Variants in FRMD5 observed in about 807,000 individuals in gnomAD.
FRMD5 encodes FERM domain-containing protein 5.
FRMD5 carries 20 observed loss-of-function variants against 69.0 expected under a neutral mutation model. The ratio of observed to expected loss-of-function variants is 0.29; its 90% CI spans 0.20 to 0.42. FRMD5 has a LOEUF of 0.42. Ranked by LOEUF, FRMD5 falls within the 10% of genes least tolerant of loss-of-function variation. The probability of loss-of-function intolerance (pLI) is 1.00; values close to 1 mark genes in which losing one functional copy is unlikely to be tolerated. For missense variants in FRMD5, 595 were observed against 708.6 expected, an observed-to-expected ratio of 0.84 and a Z score of 1.82; for synonymous variants, 271 against 260.1, an observed-to-expected ratio of 1.04 and a Z score of -0.40.
chr15:43,890,806 C>T (rs943737012), intron 8 of FRMD5, among the ~76,000 whole-genome samples: 3 of 152,162 alleles, frequency 2.0e-5, no homozygotes, highest in Non-Finnish European at 1.5e-5. Context: ...GGAGCAGTTT[C>T]ACCAGCACTC....
intron 1 of FRMD5, among the ~76,000 whole-genome samples, chr15:43,928,555 T>C (rs2089624467): frequency 6.6e-6 from 1 of 152,220 alleles, no homozygotes; most frequent in Non-Finnish European, 1.5e-5. Flanking sequence ...GGCAAGATTT[T>C]AGGAATTTTA....
chr15:44,086,432 T>G (rs1177050244), intron 1 of FRMD5, among the ~76,000 whole-genome samples: 1 of 152,140 alleles, frequency 6.6e-6, no homozygotes, highest in Non-Finnish European at 1.5e-5. Context: ...ACCTTGAAAA[T>G]GTAGTATGTT....
chr15:43,979,808 T>G (rs540743384), intron 1 of FRMD5, among the ~76,000 whole-genome samples: 2 of 152,334 alleles, frequency 1.3e-5, no homozygotes, highest in South Asian at 4.1e-4. Context: ...TAGAAAAGCC[T>G]GGGAAGTGTC....
Position 44,194,728 on chromosome 15 carries a change from C to T in FRMD5, c.102+225G>A, listed in dbSNP as rs2078255986. ...CAGGGTAGGACTTAGGGGTGTGGGA[C>T]GCGGAGACTCGCCCCGCGGCGGCGG... On this transcript the variant is annotated intron_variant, in intron 1 of 13. Transcript: ENST00000417257. The T allele has an allele frequency of 6.3e-6, 4 of 639,060 alleles. No homozygotes were observed. The East Asian group carries it at 9.0e-5, about 14-fold the overall frequency. 39.6% of individuals were successfully genotyped at this position (639,060 alleles called of 1,614,324 possible). A position where few individuals can be genotyped will look rare whatever the true frequency, so the allele number is the denominator to read the frequency against.
Position 43,874,000 on chromosome 15 carries a change from C to A in FRMD5, c.1598G>T (p.Arg533Leu). The change falls in exon 14 of 14, where the codon CGT becomes CTT. Residue 533 changes from arginine to leucine, a missense_variant. This residue lies in a region of FRMD5 where 245 missense variants were observed against 227.1 expected (regional missense o/e 1.08). Transcript: ENST00000417257. The part of the protein sequence containing the change: ...TESDLDIAFF[R>L]DIRQTPEFEQ... ...AAACTCGGGGGTCTGGCGGATATCA[C>A]GGAAAAAGGCAATGTCAAGGTCAGA... 6.2e-7 allele frequency: 1 copy of A among 1,614,072 alleles called. No homozygotes were observed. The highest frequency in any genetic ancestry group is 8.5e-7 in the Non-Finnish European group (1 of 1,180,012).
In FRMD5 at chr15:43,888,194, C is replaced by G; in HGVS notation, c.865G>C (p.Glu289Gln). 3.7e-6 allele frequency: 6 copies of G among 1,613,416 alleles called. No homozygotes were observed. The highest frequency in any genetic ancestry group is 5.1e-6 in the Non-Finnish European group (6 of 1,179,336). Residue 289 changes from glutamate (E) to glutamine (Q), a missense_variant, in exon 10 of 14, where the codon GAG (glutamate) becomes CAG (glutamine). Physicochemically the swap from Glu to Gln is conservative, Grantham distance 29 (BLOSUM62 2). Around this residue, in one of 5 missense-constraint regions of FRMD5, gnomAD observed 176 missense variants for 266.3 expected, o/e 0.66. Coordinates refer to ENST00000417257, the MANE Select transcript of FRMD5 (RefSeq NM_032892.5). ...ACKHLWKCGIENQAFYKLEKS... is the reference protein window; with the variant it reads ...ACKHLWKCGIQNQAFYKLEKS... ...ACTCACTTGTAGAAGGCTTGGTTCT[C>G]GATTCCACATTTCCAGAGGTGCTTA... is the stretch of plus-strand genomic sequence containing the variant.
intron 1 of FRMD5, among the ~76,000 whole-genome samples, chr15:44,027,651 G>GTTTT (rs759567597): frequency 2.7e-5 from 2 of 73,950 alleles, no homozygotes; most frequent in African/African-American, 6.6e-5. Context: ...TTTTTTTTTT[G>GTTTT]TTTTTTTTTT....
intron 1 of FRMD5, among the ~76,000 whole-genome samples, chr15:44,131,338 TAA>T (rs2077094358): frequency 6.6e-6 from 1 of 151,856 alleles, no homozygotes; most frequent in Admixed American, 6.6e-5. Context: ...GGAACCCCTA[TAA>T]ACGGTAGGAA....
At chr15:43,998,780 C>T (rs1890051325) in intron 1 of FRMD5, among the ~76,000 whole-genome samples, 2 of 152,198 alleles carry the variant, frequency 1.3e-5, no homozygotes. Context: ...GCTGATTTCA[C>T]ATCAGGAAGT....
At chr15:43,998,839 C>T (rs1890056478) in intron 1 of FRMD5, among the ~76,000 whole-genome samples, 1 of 152,280 alleles carries the variant, frequency 6.6e-6, no homozygotes, top group Non-Finnish European at 1.5e-5. Context: ...TCCGCCCTGC[C>T]GTGAGATAGG....
chr15:44,154,332 A>G (rs1463339925), intron 1 of FRMD5, among the ~76,000 whole-genome samples: 2 of 152,078 alleles, frequency 1.3e-5, no homozygotes, highest in Non-Finnish European at 2.9e-5. Flanking sequence ...AAACAAAAAC[A>G]AACAAAGAAA....
intron 1 of FRMD5, among the ~76,000 whole-genome samples, chr15:44,063,261 C>A (rs749504255): frequency 8.5e-5 from 13 of 152,158 alleles, no homozygotes; most frequent in Non-Finnish European, 2.9e-5. Context: ...AGACATAGGA[C>A]TACTCCAGTT....
chr15:43,874,216 T>C lies in FRMD5; in HGVS notation c.1382A>G (p.Glu461Gly). 1 of 1,614,196 alleles carries C rather than the reference T, an allele frequency of 6.2e-7. No homozygotes were observed. Among genetic ancestry groups the C allele is most frequent in the South Asian group, 1.1e-5 (1 of 91,080 alleles). ...GATCSIEEEK[E>G]SEASTPTATE... ...AGCAGTTGGGGTGCTGGCTTCAGAT[T>C]CCTTCTCCTCCTCAATGCTGCAGGT... is the stretch of plus-strand genomic sequence containing the variant. Residue 461 changes from glutamate (E) to glycine (G), a missense_variant, in exon 14 of 14, where the codon GAA becomes GGA. This residue lies in a region of FRMD5 where 245 missense variants were observed against 227.1 expected (regional missense o/e 1.08). Transcript: ENST00000417257.
chr15:44,007,738 C>T (rs557971228), intron 1 of FRMD5, among the ~76,000 whole-genome samples: 223 of 148,308 alleles, frequency 1.5e-3, no homozygotes, highest in Non-Finnish European at 2.3e-3. Flanking sequence ...CTCCATCTCC[C>T]GGGTTCAAGT....
At chr15:44,093,354 A>C (rs966537026) in intron 1 of FRMD5, among the ~76,000 whole-genome samples, 1 of 151,990 alleles carries the variant, frequency 6.6e-6, no homozygotes, top group Non-Finnish European at 1.5e-5. Flanking sequence ...GACAAAAAAA[A>C]AACAACTTGA....
chr15:43,894,811 A>C (rs554690458), intron 7 of FRMD5, among the ~76,000 whole-genome samples: 9 of 152,198 alleles, frequency 5.9e-5, no homozygotes, highest in Non-Finnish European at 1.3e-4. Flanking sequence ...GTCCAGGTCC[A>C]GCTCTGCCAC....
At chr15:43,957,412 G>A (rs1246292759) in intron 1 of FRMD5, among the ~76,000 whole-genome samples, 1 of 152,164 alleles carries the variant, frequency 6.6e-6, no homozygotes, top group Non-Finnish European at 1.5e-5. Context: ...GGCCAGGCTG[G>A]TATCAAACTC....
intron 6 of FRMD5, among the ~76,000 whole-genome samples, chr15:43,902,770 G>T (rs987017284): frequency 2.0e-5 from 3 of 151,974 alleles, no homozygotes; most frequent in Admixed American, 6.6e-5. Context: ...ATTTTTATGT[G>T]GTATTTCACA....
At chr15:44,112,008 T>C (rs2076803781) in intron 1 of FRMD5, among the ~76,000 whole-genome samples, 1 of 152,212 alleles carries the variant, frequency 6.6e-6, no homozygotes, top group African/African-American at 2.4e-5. Flanking sequence ...CACATCCGGC[T>C]AATTTTTTGT....
Sources: allele counts gnomAD v4.1 joint callset (sites outside exome capture counted in the v4.1 genomes callset), GRCh38; gene constraint gnomAD v4.1.1; regional missense constraint gnomAD v4.1.1; transcripts MANE v1.5; gene names NCBI Gene and HGNC (gene_info 2026-07-23, HGNC 2026-07-21).